The following NOL4L variants were observed in gnomAD, a reference collection of about 807,000 sequenced individuals.
NOL4L encodes nucleolar protein 4 like.
Under a neutral mutation model 64.5 loss-of-function variants are expected in NOL4L, and 7 were observed. The observed-to-expected ratio is 0.11, with a 90% CI of 0.06 to 0.20. The LOEUF (loss-of-function observed/expected upper bound fraction) is 0.20, where lower values mean the gene tolerates loss of function less well. Among genes scored for constraint, NOL4L ranks in the 10% least tolerant of loss-of-function variants. The pLI, the probability that NOL4L is intolerant of heterozygous loss-of-function variation, is 1.00. For synonymous variants in NOL4L, 413 were observed against 401.0 expected, an observed-to-expected ratio of 1.03 and a Z score of -0.36; for missense variants, 680 against 967.1, an observed-to-expected ratio of 0.70 and a Z score of 3.94.
intron 4 of NOL4L, chr20:32,510,031 C>T (rs2017325136): frequency 2.8e-6 from 3 of 1,061,176 alleles, no homozygotes; most frequent in Non-Finnish European, 3.9e-6. Flanking sequence ...GATTCTATAA[C>T]CAACAACAAA....
chr20:32,524,225 G>C (rs1049278420), intron 2 of NOL4L, among the ~76,000 whole-genome samples: 1 of 152,162 alleles, frequency 6.6e-6, no homozygotes, highest in Non-Finnish European at 1.5e-5. Context: ...ACCAGCTGGA[G>C]CCTTCCTCAA....
chr20:32,524,292 C>A (rs1444461964), intron 2 of NOL4L, among the ~76,000 whole-genome samples: 1 of 151,986 alleles, frequency 6.6e-6, no homozygotes, highest in African/African-American at 2.4e-5. Context: ...CACTGAGAAG[C>A]TAAGTGAGAC....
intron 5 of NOL4L, among the ~76,000 whole-genome samples, chr20:32,462,165 A>C (rs929817507): frequency 2.0e-5 from 3 of 152,184 alleles, no homozygotes; most frequent in Non-Finnish European, 2.9e-5. Context: ...AGCAGGGCTG[A>C]TAGGGGGCAC....
At position 32,473,001 on chromosome 20, in the gene NOL4L, T is replaced by C. The variant is rs538040008; in HGVS notation, c.841+1600A>G. 2.2e-4 allele frequency among the ~76,000 whole-genome samples: 33 copies of C among 152,256 alleles called. 1 individual carries two copies. In the South Asian group the frequency reaches 5.0e-3, roughly 23 times the overall value. On this transcript the variant is annotated intron_variant, in intron 5 of 10. Coordinates refer to ENST00000621426, the MANE Select transcript of NOL4L (RefSeq NM_001256798.2). ...GGCAGCAGGTGCTGAGGGAACCCCA[T>C]GGACCCCACAGAAATGCCACTGTCA... is the stretch of plus-strand genomic sequence containing the variant.
At chr20:32,454,175 G>T (rs1600637318) in intron 6 of NOL4L, 1 of 188,272 alleles carries the variant, frequency 5.3e-6, no homozygotes, top group East Asian at 1.2e-4. Context: ...TGGCTTCGGG[G>T]TTTTCCTCCC....
At chr20:32,461,424 T>TC (rs936112715) in intron 5 of NOL4L, among the ~76,000 whole-genome samples, 6 of 144,350 alleles carry the variant, frequency 4.2e-5, no homozygotes, top group Non-Finnish European at 9.1e-5. Flanking sequence ...TTCTTTTCTT[T>TC]TTTTTTTTTT....
intron 4 of NOL4L, among the ~76,000 whole-genome samples, chr20:32,505,180 A>G (rs1240857519): frequency 6.6e-6 from 1 of 152,238 alleles, no homozygotes; most frequent in Non-Finnish European, 1.5e-5. Context: ...AGTCTCTCAC[A>G]GTAACCCATT....
At chr20:32,468,916 AAAAAG>A (rs576658191) in intron 5 of NOL4L, among the ~76,000 whole-genome samples, 1,752 of 144,610 alleles carry the variant, frequency 0.012, 18 homozygotes, top group African/African-American at 0.042. Flanking sequence ...AAAAAAAAAA[AAAAAG>A]AAAGAAAGAA....
intron 1 of NOL4L, among the ~76,000 whole-genome samples, chr20:32,559,563 T>C (rs916664425): frequency 6.6e-6 from 1 of 152,196 alleles, no homozygotes. Context: ...ATTACGTTCA[T>C]TTTGCAGATC....
chr20:32,485,543 C>T (rs2016054082), intron 4 of NOL4L: 1 of 328,794 alleles, frequency 3.0e-6, no homozygotes, highest in African/African-American at 2.2e-5. Flanking sequence ...CACATTTACT[C>T]ATTTGCACCT....
chr20:32,581,010 T>C (rs1600895783), intron 1 of NOL4L, among the ~76,000 whole-genome samples: 1 of 152,248 alleles, frequency 6.6e-6, no homozygotes, highest in South Asian at 2.1e-4. Flanking sequence ...CTTCCCCCGC[T>C]TGGCAGCCCA....
At chr20:32,455,824 G>A (rs1036283802) in intron 6 of NOL4L, among the ~76,000 whole-genome samples, 1 of 152,248 alleles carries the variant, frequency 6.6e-6, no homozygotes, top group Admixed American at 6.5e-5. Flanking sequence ...TGTTCTGGGG[G>A]AGGGGGATGG....
At chr20:32,583,471 G>A (rs1980634886) in intron 1 of NOL4L, among the ~76,000 whole-genome samples, 2 of 148,540 alleles carry the variant, frequency 1.3e-5, no homozygotes, top group South Asian at 4.2e-4. Flanking sequence ...GAGCGGGGGA[G>A]CGGGGGAGGG....
At chr20:32,468,208 G>T (rs2014713733) in intron 5 of NOL4L, among the ~76,000 whole-genome samples, 1 of 152,142 alleles carries the variant, frequency 6.6e-6, no homozygotes, top group Non-Finnish European at 1.5e-5. Flanking sequence ...CTGCCTACAG[G>T]ATGCCACATA....
At chr20:32,554,156 T>G (rs1440692343) in intron 1 of NOL4L, among the ~76,000 whole-genome samples, 1 of 151,528 alleles carries the variant, frequency 6.6e-6, no homozygotes, top group Admixed American at 6.6e-5. Context: ...CCGTCTCTAC[T>G]AAAAAATACA....
chr20:32,450,220 A>G (rs1043644557), intron 10 of NOL4L: 1 of 152,334 alleles, frequency 6.6e-6, no homozygotes, highest in Non-Finnish European at 1.5e-5. Flanking sequence ...GCTCTGAGCC[A>G]TTAATACGGC....
At chr20:32,459,717 G>A (rs539903203) in intron 5 of NOL4L, among the ~76,000 whole-genome samples, 10 of 152,110 alleles carry the variant, frequency 6.6e-5, no homozygotes, top group African/African-American at 2.2e-4. Flanking sequence ...TTTTTTTGTA[G>A]AGAACAGGTC....
intron 1 of NOL4L, among the ~76,000 whole-genome samples, chr20:32,579,660 T>C (rs1395750975): frequency 6.6e-6 from 1 of 152,048 alleles, no homozygotes; most frequent in African/African-American, 2.4e-5. Flanking sequence ...CAGCAGACAG[T>C]GACCCAGGAC....
At chr20:32,503,575 G>A (rs2017010293) in intron 4 of NOL4L, among the ~76,000 whole-genome samples, 1 of 152,186 alleles carries the variant, frequency 6.6e-6, no homozygotes, top group Admixed American at 6.5e-5. Context: ...CCACTTATTG[G>A]TCCATGCACA....
Sources: allele counts gnomAD v4.1 joint callset (sites outside exome capture counted in the v4.1 genomes callset), GRCh38; gene constraint gnomAD v4.1.1; transcripts MANE v1.5; gene names NCBI Gene and HGNC (gene_info 2026-07-23, HGNC 2026-07-21).